SV2C: variants seen among roughly 807,000 people sequenced by gnomAD.
The protein encoded by SV2C is solute carrier family 22 member B3.
SV2C carries 49 observed loss-of-function variants against 79.7 expected under a neutral mutation model. That is an observed-to-expected ratio of 0.61 (90% CI 0.49 to 0.78). The LOEUF is 0.78. Ranked by LOEUF, SV2C falls within the 30% of genes least tolerant of loss-of-function variation. The probability of loss-of-function intolerance (pLI) is 0.00; values close to 1 mark genes in which losing one functional copy is unlikely to be tolerated. For missense variants in SV2C, 833 were observed against 912.9 expected, an observed-to-expected ratio of 0.91 and a Z score of 1.13; for synonymous variants, 334 against 333.2, an observed-to-expected ratio of 1.00 and a Z score of -0.03.
intron 12 of SV2C, among the ~76,000 whole-genome samples, chr5:76,316,587 A>G (rs1748628449): frequency 6.6e-6 from 1 of 152,154 alleles, no homozygotes; most frequent in Non-Finnish European, 1.5e-5. Flanking sequence ...GCTTGGGAGT[A>G]GGAAATTTAT....
intron 4 of SV2C, among the ~76,000 whole-genome samples, chr5:76,259,725 T>C (rs1746403384): frequency 1.3e-5 from 2 of 152,178 alleles, no homozygotes; most frequent in Admixed American, 1.3e-4. Flanking sequence ...TGTGTTAGTT[T>C]GCTGAAGATG....
At position 76,319,719 on chromosome 5, in the gene SV2C, G is replaced by A. The variant is rs79030328; in HGVS notation, c.2001-5645G>A. On this transcript the variant is annotated intron_variant, in intron 12 of 12. Coordinates refer to ENST00000502798, the MANE Select transcript of SV2C (RefSeq NM_014979.4). ...AATCTCAGGAAGTCATCCATTCCTCGAGTACAGTTTCAGTGATACAAGGAG... is the reference window on the plus strand; with the variant it reads ...AATCTCAGGAAGTCATCCATTCCTCAAGTACAGTTTCAGTGATACAAGGAG... 8.2e-3 allele frequency among the ~76,000 whole-genome samples: 1,245 copies of A among 152,238 alleles called. 12 individuals are homozygous for A. The highest frequency in any genetic ancestry group is 0.024 in the African/African-American group (1,011 of 41,532).
chr5:76,060,903 AT>A, the SV2C span, among the ~76,000 whole-genome samples: 1 of 152,002 alleles, frequency 6.6e-6, no homozygotes, highest in East Asian at 1.9e-4. Flanking sequence ...TCACTTGAAC[AT>A]TTAGAGGCCA....
intron 1 of SV2C, among the ~76,000 whole-genome samples, chr5:76,084,642 G>T (rs1027660105): frequency 1.3e-4 from 19 of 149,596 alleles, no homozygotes; most frequent in African/African-American, 4.7e-4. Flanking sequence ...GGGGGCGCTC[G>T]CGTCACCTTC....
the SV2C span, among the ~76,000 whole-genome samples, chr5:75,883,902 A>G: frequency 3.3e-5 from 5 of 152,124 alleles, no homozygotes; most frequent in African/African-American, 1.2e-4. Flanking sequence ...TATCCTGTTA[A>G]CTGGGAAATA....
At chr5:76,039,756 CA>C in the SV2C span, among the ~76,000 whole-genome samples, 49,251 of 118,664 alleles carry the variant, frequency 0.42, 9,073 homozygotes, top group Middle Eastern at 0.6. Context: ...AACTCCATCT[CA>C]AAAAAAAAAA....
chr5:76,219,955 C>G (rs1303635991), intron 4 of SV2C, among the ~76,000 whole-genome samples: 1 of 152,168 alleles, frequency 6.6e-6, no homozygotes, highest in Non-Finnish European at 1.5e-5. Context: ...ATCTTAGGCA[C>G]CTGATCTTAA....
intron 2 of SV2C, among the ~76,000 whole-genome samples, chr5:76,192,013 C>G (rs1744119279): frequency 6.6e-6 from 1 of 152,178 alleles, no homozygotes; most frequent in Non-Finnish European, 1.5e-5. Flanking sequence ...CCTGCTTGCC[C>G]TTTTGAGAGC....
At chr5:75,940,404 G>T in the SV2C span, among the ~76,000 whole-genome samples, 1 of 151,868 alleles carries the variant, frequency 6.6e-6, no homozygotes, top group East Asian at 1.9e-4. Flanking sequence ...AAAGAAAAAA[G>T]AATTGAAGTG....
At chr5:75,968,015 A>T in the SV2C span, among the ~76,000 whole-genome samples, 1 of 152,178 alleles carries the variant, frequency 6.6e-6, no homozygotes, top group South Asian at 2.1e-4. Context: ...TGGGTTCACC[A>T]ATATCCGCTG....
intron 2 of SV2C, among the ~76,000 whole-genome samples, chr5:76,192,885 C>T (rs555342239): frequency 6.6e-6 from 1 of 152,344 alleles, no homozygotes; most frequent in South Asian, 2.1e-4. Context: ...TTTATACTAA[C>T]TGTGTCAGTC....
At chr5:75,866,669 A>G in the SV2C span, among the ~76,000 whole-genome samples, 1 of 152,232 alleles carries the variant, frequency 6.6e-6, no homozygotes, top group Non-Finnish European at 1.5e-5. Context: ...AATCCAAACC[A>G]GGTAACCTGA....
intron 2 of SV2C, among the ~76,000 whole-genome samples, chr5:76,194,105 A>C (rs1744191234): frequency 6.6e-6 from 1 of 152,220 alleles, no homozygotes; most frequent in Non-Finnish European, 1.5e-5. Context: ...AAGGTGGCTT[A>C]CCCCAGGGCT....
chr5:76,064,500 T>G, the SV2C span, among the ~76,000 whole-genome samples: 5 of 152,324 alleles, frequency 3.3e-5, no homozygotes, highest in East Asian at 7.7e-4. Flanking sequence ...CTGTTTTAGT[T>G]TTGCATATTG....
Position 76,179,643 on chromosome 5 carries a change from A to G in SV2C, c.581-15276A>G, listed in dbSNP as rs116079547. Among the ~76,000 whole-genome samples the G allele has an allele frequency of 9.4e-3, 1,438 of 152,314 alleles. 15 individuals carry two copies. The highest frequency in any genetic ancestry group is 0.033 in the African/African-American group (1,357 of 41,568). On this transcript the variant is annotated intron_variant, in intron 2 of 12. Transcript: ENST00000502798. ...TTTGGGATCGAGGAGCCCTCGTGTG[A>G]TGCTTCATCACTAATGACAAAATAA...
Position 76,331,800 on chromosome 5 carries a change from GAGA to G in SV2C, c.*6256_*6258del, listed in dbSNP as rs1455975604. 4 of 152,552 alleles carry G rather than the reference GAGA, an allele frequency of 2.6e-5. No individual in the cohort carries two copies. The allele number at this position is 152,552 out of a possible 1,614,324, so 9.4% of individuals were successfully genotyped here. A position where few individuals can be genotyped will look rare whatever the true frequency, so the allele number is the denominator to read the frequency against. On this transcript the variant is annotated 3_prime_UTR_variant, in exon 13 of 13. Coordinates refer to ENST00000502798, the MANE Select transcript of SV2C (RefSeq NM_014979.4). Reference sequence around the variant, plus strand: ...TGCCTGTTGTGGAGGCACAGAGGAGGAGAAGGTGAAGAACAGGAATGGGTGCAG... The same window carrying G: ...TGCCTGTTGTGGAGGCACAGAGGAGGAGGTGAAGAACAGGAATGGGTGCAG...
chr5:76,270,355 G>A (rs1380300534), intron 4 of SV2C, among the ~76,000 whole-genome samples: 1 of 152,146 alleles, frequency 6.6e-6, no homozygotes, highest in African/African-American at 2.4e-5. Context: ...TCATTGCTTT[G>A]GGGGAAAGCC....
intron 4 of SV2C, among the ~76,000 whole-genome samples, chr5:76,263,141 A>G (rs767621164): frequency 5.9e-5 from 9 of 151,852 alleles, no homozygotes; most frequent in Non-Finnish European, 1.0e-4. Flanking sequence ...TATATTTAGG[A>G]TAGTTAGCTC....
chr5:75,904,300 T>C, the SV2C span, among the ~76,000 whole-genome samples: 1 of 151,990 alleles, frequency 6.6e-6, no homozygotes, highest in East Asian at 1.9e-4. Flanking sequence ...GCTCACTGAA[T>C]GGGGGCTCTT....
Sources: gnomAD v4.1 joint callset for allele counts (sites outside exome capture counted in the v4.1 genomes callset) on GRCh38, gnomAD v4.1.1 for gene constraint, MANE v1.5 for transcripts, NCBI Gene and HGNC (gene_info 2026-07-23, HGNC 2026-07-21) for gene names.